Variants in MICAL3 observed in about 807,000 individuals in gnomAD.
MICAL3 encodes the protein microtubule associated monooxygenase, calponin and LIM domain containing 3, also known as [F-actin]-monooxygenase MICAL3.
Under a neutral mutation model 207.4 loss-of-function variants are expected in MICAL3, and 62 were observed. That is an observed-to-expected ratio of 0.30 (90% CI 0.24 to 0.37). The LOEUF is 0.37. Ranked by LOEUF, MICAL3 falls within the 10% of genes least tolerant of loss-of-function variation. The pLI is 1.00. For missense variants in MICAL3, 2,368 were observed against 2,635.6 expected (o/e 0.90, Z 2.22); for synonymous variants, 1,077 against 1,069.3 (o/e 1.01, Z -0.14).
At position 18,010,935 on chromosome 22, in the gene MICAL3, A is replaced by G. The variant is rs117517319; in HGVS notation, c.-75+13346T>C. Among the ~76,000 whole-genome samples the G allele has an allele frequency of 2.6e-4, 40 of 152,306 alleles. 1 individual carries two copies. The East Asian group carries it at 6.4e-3, about 24-fold the overall frequency. Reference sequence around the variant, plus strand: ...AAAATAAACACAATTGTAAAATAGCAGCCCTTCCCTGGCAACAAAAAGAAA... The same window carrying G: ...AAAATAAACACAATTGTAAAATAGCGGCCCTTCCCTGGCAACAAAAAGAAA... On this transcript the variant is annotated intron_variant, in intron 1 of 31. Transcript: ENST00000441493.
chr22:18,001,448 C>G (rs948268810), intron 1 of MICAL3: 1 of 152,022 alleles, frequency 6.6e-6, no homozygotes, highest in Non-Finnish European at 1.5e-5. Flanking sequence ...CGGGCCAGTG[C>G]CGCCCTGTTC....
chr22:17,996,714 C>G (rs1359433071), intron 1 of MICAL3, among the ~76,000 whole-genome samples: 1 of 152,162 alleles, frequency 6.6e-6, no homozygotes, highest in East Asian at 1.9e-4. Flanking sequence ...GAGTGCGTGG[C>G]TGGAGAGAGG....
At position 17,821,010 on chromosome 22, in the gene MICAL3, A is replaced by G. The variant is rs543532297; in HGVS notation, c.3531+417T>C. ...AATTTTAATAAATTTATATTTATAA[A>G]CAATTTTAATACACCTATGTTTATT... On this transcript the variant is annotated intron_variant, in intron 25 of 31. Transcript: ENST00000441493. 3.0e-5 allele frequency among the ~76,000 whole-genome samples: 4 copies of G among 134,038 alleles called. 1 individual carries two copies. Among genetic ancestry groups the G allele is most frequent in the East Asian group, 4.0e-4 (2 of 5,044 alleles). The allele number at this position is 134,038 out of a possible 152,430, so 87.9% of individuals were successfully genotyped here. A position where few individuals can be genotyped will look rare whatever the true frequency, so the allele number is the denominator to read the frequency against.
At chr22:17,921,344 A>G (rs1453849881) in intron 1 of MICAL3, among the ~76,000 whole-genome samples, 1 of 152,232 alleles carries the variant, frequency 6.6e-6, no homozygotes, top group African/African-American at 2.4e-5. Context: ...TCTCAAAATC[A>G]TCTTCGGAGA....
chr22:18,006,059 C>T (rs1923365273), intron 1 of MICAL3: 1 of 152,230 alleles, frequency 6.6e-6, no homozygotes, highest in Admixed American at 6.5e-5. Flanking sequence ...TTAATTCTCA[C>T]TCCCATAGCT....
chr22:17,917,718 C>T (rs1479831565), intron 1 of MICAL3, among the ~76,000 whole-genome samples: 1 of 152,212 alleles, frequency 6.6e-6, no homozygotes, highest in Non-Finnish European at 1.5e-5. Context: ...CCAAGGCCTC[C>T]CTGGGCGGGG....
chr22:17,988,380 A>C (rs1921263983), intron 1 of MICAL3, among the ~76,000 whole-genome samples: 1 of 152,150 alleles, frequency 6.6e-6, no homozygotes, highest in Non-Finnish European at 1.5e-5. Flanking sequence ...CCCATCTGCC[A>C]GGGGTGGGCA....
intron 1 of MICAL3, among the ~76,000 whole-genome samples, chr22:17,944,653 G>A (rs922810754): frequency 2.0e-5 from 3 of 152,174 alleles, no homozygotes; most frequent in African/African-American, 7.2e-5. Context: ...ATAGGACTGT[G>A]GGGACAGGCA....
rs564250883 is a variant in MICAL3 at position 17,928,221 on chromosome 22, C to T, written c.-74-21335G>A. Among the ~76,000 whole-genome samples, 491 of 152,138 alleles carry T rather than the reference C, an allele frequency of 3.2e-3. 4 individuals are homozygous for T. The highest frequency in any genetic ancestry group is 0.011 in the African/African-American group (466 of 41,524). On this transcript the variant is annotated intron_variant, in intron 1 of 31. Transcript: ENST00000441493. ...TTGGGAGGCCGAGGCGGGCGCATCA[C>T]GAGGTCAGGAGATCGAGACCATCCT...
At chr22:17,941,893 GA>G (rs1933823537) in intron 1 of MICAL3, among the ~76,000 whole-genome samples, 1 of 152,166 alleles carries the variant, frequency 6.6e-6, no homozygotes, top group Non-Finnish European at 1.5e-5. Context: ...CCAGGAGGGG[GA>G]AAGCAGAAGG....
At chr22:17,836,916 A>G (rs1028247711) in intron 20 of MICAL3, among the ~76,000 whole-genome samples, 1 of 152,024 alleles carries the variant, frequency 6.6e-6, no homozygotes, top group Non-Finnish European at 1.5e-5. Flanking sequence ...AAGTGCTGGG[A>G]ATTACAGGCA....
intron 13 of MICAL3, 33 bp from the exon 14 acceptor site, chr22:17,887,468 G>GC: frequency 1.3e-6 from 2 of 1,493,796 alleles, no homozygotes; most frequent in Non-Finnish European, 1.9e-6. Context: ...TTCAAGCACA[G>GC]CCCTTGAGGG....
At chr22:17,915,544 T>C in intron 1 of MICAL3, among the ~76,000 whole-genome samples, 1 of 152,174 alleles carries the variant, frequency 6.6e-6, no homozygotes, top group East Asian at 1.9e-4. Flanking sequence ...AGCTAAGGCT[T>C]TCCGACGCTG....
chr22:17,927,257 GACCTCATTCATTTTTA>G (rs1235816236), intron 1 of MICAL3, among the ~76,000 whole-genome samples: 2 of 152,118 alleles, frequency 1.3e-5, no homozygotes, highest in Non-Finnish European at 2.9e-5. Context: ...CATATACCAT[GACCTCATTCATTTTTA>G]TGGCTGAATA....
intron 1 of MICAL3, among the ~76,000 whole-genome samples, chr22:17,989,210 T>C (rs62241583): frequency 2.6e-5 from 4 of 152,138 alleles, no homozygotes; most frequent in African/African-American, 9.7e-5. Context: ...TTGCTCATGC[T>C]GTTCTCTGCC....
At chr22:17,853,032 A>C (rs1925501750) in intron 19 of MICAL3, among the ~76,000 whole-genome samples, 1 of 151,412 alleles carries the variant, frequency 6.6e-6, no homozygotes, top group African/African-American at 2.4e-5. Flanking sequence ...CCAAGATCGC[A>C]CTGCTGCACT....
intron 16 of MICAL3, among the ~76,000 whole-genome samples, chr22:17,884,021 G>A (rs974497869): frequency 2.6e-5 from 4 of 152,190 alleles, no homozygotes; most frequent in African/African-American, 9.7e-5. Context: ...CTACCACACA[G>A]CTTCAGCGAG....
chr22:17,930,679 T>C (rs975241529), intron 1 of MICAL3, among the ~76,000 whole-genome samples: 14 of 152,292 alleles, frequency 9.2e-5, no homozygotes, highest in African/African-American at 3.4e-4. Flanking sequence ...ATCTGGACAG[T>C]GGTGCTGTGT....
At chr22:17,843,249 G>A (rs1406259584) in intron 19 of MICAL3, among the ~76,000 whole-genome samples, 2 of 151,418 alleles carry the variant, frequency 1.3e-5, no homozygotes, top group Non-Finnish European at 2.9e-5. Context: ...TTGAAAATGT[G>A]TTTTACAACT....
Sources: gnomAD v4.1 joint callset for allele counts (sites outside exome capture counted in the v4.1 genomes callset) on GRCh38, gnomAD v4.1.1 for gene constraint, MANE v1.5 for transcripts, NCBI Gene and HGNC (gene_info 2026-07-23, HGNC 2026-07-21) for gene names.